Variants in CCDC158 observed in about 807,000 individuals in gnomAD.
CCDC158 encodes coiled-coil domain containing 158.
CCDC158 carries 116 observed loss-of-function variants against 138.6 expected under a neutral mutation model. That is an observed-to-expected ratio of 0.84 (90% CI 0.72 to 0.98). CCDC158 has a LOEUF of 0.98. CCDC158 is among the 50% of genes least tolerant of loss of function. The pLI, the probability that CCDC158 is intolerant of heterozygous loss-of-function variation, is 0.00. For missense variants in CCDC158, 1,265 were observed against 1,306.1 expected, an observed-to-expected ratio of 0.97 and a Z score of 0.48; for synonymous variants, 436 against 442.4, an observed-to-expected ratio of 0.99 and a Z score of 0.18.
chr4:76,322,826 A>G (rs1720154940), intron 24 of CCDC158, among the ~76,000 whole-genome samples: 1 of 152,132 alleles, frequency 6.6e-6, no homozygotes, highest in Non-Finnish European at 1.5e-5. Context: ...TTAGAAGTGG[A>G]TTCTTTTTAT....
intron 4 of CCDC158, among the ~76,000 whole-genome samples, chr4:76,393,068 T>C (rs1005626140): frequency 2.6e-5 from 4 of 152,116 alleles, no homozygotes; most frequent in Non-Finnish European, 4.4e-5. Context: ...CAAAGCAATC[T>C]ACAGATTCAA....
At position 76,381,927 on chromosome 4, in the gene CCDC158, C is replaced by T. The variant is rs551967303; in HGVS notation, c.914+683G>A. ...CGATCTCCTGACCTCGTGATCTGCC[C>T]GCCTCAGCCTCCCAAAGTGCTGGGA... On this transcript the variant is annotated intron_variant, in intron 8 of 24. Transcript: ENST00000682701. Among the ~76,000 whole-genome samples, 951 of 143,586 alleles carry T rather than the reference C, an allele frequency of 6.6e-3. 3 individuals are homozygous for T. Among genetic ancestry groups the T allele is most frequent in the Non-Finnish European group, 0.012 (744 of 63,704 alleles). The allele number at this position is 143,586 out of a possible 152,430, so 94.2% of individuals were successfully genotyped here. A position where few individuals can be genotyped will look rare whatever the true frequency, so the allele number is the denominator to read the frequency against.
At chr4:76,335,851 G>T (rs1721434195) in intron 18 of CCDC158, among the ~76,000 whole-genome samples, 1 of 151,994 alleles carries the variant, frequency 6.6e-6, no homozygotes, top group Non-Finnish European at 1.5e-5. Context: ...GGGATTACAG[G>T]TGTGAGCCAC....
In CCDC158 at chr4:76,370,754, A is replaced by G. The variant is rs143012613; in HGVS notation, c.1149+663T>C. ...TGAAAAACATGCAAATGTTAGGTAA[A>G]GAACTGAAGAATTATGCCAAGATTA... On this transcript the variant is annotated intron_variant, in intron 10 of 24. Transcript: ENST00000682701. Among the ~76,000 whole-genome samples the G allele has an allele frequency of 2.0e-3, 305 of 152,314 alleles. 3 individuals are homozygous for G. The highest frequency in any genetic ancestry group is 6.6e-3 in the South Asian group (32 of 4,822).
chr4:76,416,303 G>A (rs569220573), intron 1 of CCDC158, among the ~76,000 whole-genome samples: 3 of 152,192 alleles, frequency 2.0e-5, no homozygotes, highest in Non-Finnish European at 2.9e-5. Flanking sequence ...TGGCATTTGG[G>A]GCCACTACCG....
At chr4:76,379,673 T>C (rs1726043917) in intron 8 of CCDC158, among the ~76,000 whole-genome samples, 1 of 152,044 alleles carries the variant, frequency 6.6e-6, no homozygotes, top group Non-Finnish European at 1.5e-5. Context: ...TAAAAAGTTT[T>C]AACATACAAC....
At chr4:76,324,252 A>C (rs1720317447) in intron 23 of CCDC158, among the ~76,000 whole-genome samples, 1 of 146,562 alleles carries the variant, frequency 6.8e-6, no homozygotes, top group East Asian at 2.0e-4. Flanking sequence ...CAATCATGGG[A>C]TCTCAGCTCA....
chr4:76,323,402 CTG>C lies in CCDC158; in HGVS notation c.3175_3176del (p.Gln1059ValfsTer74). 1 of 1,608,172 alleles carries C rather than the reference CTG, an allele frequency of 6.2e-7. No homozygotes were observed. The highest frequency in any genetic ancestry group is 1.1e-5 in the South Asian group (1 of 89,512). Reference sequence around the variant, plus strand: ...TTCCTGTTGTTTCTATTGGCGGAGACTGTGAATCTATTAGAAAATTGCTTAGA... The same window carrying C: ...TTCCTGTTGTTTCTATTGGCGGAGACTGAATCTATTAGAAAATTGCTTAGA... ...IHSSDSVKDS[Q>X]SPPIETTGKT... On this transcript the variant is annotated frameshift_variant, in exon 24 of 25. Coordinates refer to ENST00000682701, the MANE Select transcript of CCDC158 (RefSeq NM_001394954.1). LOFTEE classifies it high-confidence loss of function.
In CCDC158 at chr4:76,412,241, T is replaced by C. The variant is rs1729349255; in HGVS notation, c.-116-109A>G. ...AATTCATGTTCATCACTTAAGACCT[T>C]GACAATATGTAAAACACACATATAA... On this transcript the variant is annotated intron_variant, in intron 1 of 24. Coordinates refer to ENST00000682701, the MANE Select transcript of CCDC158 (RefSeq NM_001394954.1). 3.3e-5 allele frequency: 5 copies of C among 152,216 alleles called. No individual in the cohort carries two copies. In the South Asian group the frequency reaches 1.0e-3, roughly 32 times the overall value. 9.4% of individuals were successfully genotyped at this position (152,216 alleles called of 1,614,324 possible). A position where few individuals can be genotyped will look rare whatever the true frequency, so the allele number is the denominator to read the frequency against.
intron 4 of CCDC158, among the ~76,000 whole-genome samples, chr4:76,392,193 C>T (rs1197007164): frequency 3.3e-5 from 5 of 151,946 alleles, no homozygotes; most frequent in Non-Finnish European, 7.4e-5. Context: ...AGGTCAGTAT[C>T]TCTGATGAAT....
rs1258007223 is a variant in CCDC158 at position 76,384,351 on chromosome 4, C to T, written c.463G>A (p.Glu155Lys). ...NQLQNTVHEL[E>K]AAKCLKEDML... is the part of the protein sequence containing the mutation. The stretch of plus-strand genomic sequence containing the variant: ...TCCTCTTTAAGGCATTTGGCAGCTT[C>T]AAGTTCATGAACTGTATTTTGAAGC... Residue 155 changes from glutamate to lysine, a missense_variant, in exon 6 of 25, where the codon GAA (glutamate) becomes AAA (lysine). Physicochemically the swap from Glu to Lys is moderately conservative, Grantham distance 56 (BLOSUM62 1). Coordinates refer to ENST00000682701, the MANE Select transcript of CCDC158 (RefSeq NM_001394954.1). 1 of 1,614,148 alleles carries T rather than the reference C, an allele frequency of 6.2e-7. No individual in the cohort carries two copies. Among genetic ancestry groups the T allele is most frequent in the South Asian group, 1.1e-5 (1 of 91,080 alleles).
At chr4:76,320,595 C>T (rs1719904930) in intron 24 of CCDC158, among the ~76,000 whole-genome samples, 2 of 152,092 alleles carry the variant, frequency 1.3e-5, no homozygotes, top group Non-Finnish European at 2.9e-5. Flanking sequence ...AAAATAGGCA[C>T]ATAGACCAAT....
Position 76,367,739 on chromosome 4 carries a change from T to G in CCDC158, c.1385A>C (p.Lys462Thr), listed in dbSNP as rs917194035. The G allele has an allele frequency of 6.2e-7, 1 of 1,606,066 alleles. No individual in the cohort carries two copies. The highest frequency in any genetic ancestry group is 1.7e-5 in the Admixed American group (1 of 59,368). ...AIQGKNESLEKVSSLTAQLES... is the reference protein window; with the variant it reads ...AIQGKNESLETVSSLTAQLES... The stretch of plus-strand genomic sequence containing the variant: ...AAGCTGAGCAGTCAAGGAGGATACT[T>G]TTTCTAGACTTTCATTCTTTCCTTG... The change falls in exon 12 of 25, where the codon AAA (lysine) becomes ACA (threonine). Residue 462 changes from lysine (K) to threonine (T), a missense_variant. Lys to Thr is a moderately conservative substitution (Grantham distance 78). Coordinates refer to ENST00000682701, the MANE Select transcript of CCDC158 (RefSeq NM_001394954.1).
At chr4:76,318,437 T>C (rs984018991) in intron 24 of CCDC158, among the ~76,000 whole-genome samples, 10 of 152,106 alleles carry the variant, frequency 6.6e-5, no homozygotes, top group African/African-American at 2.2e-4. Context: ...CCTGGAGATA[T>C]ACAACCCTCC....
intron 9 of CCDC158, among the ~76,000 whole-genome samples, chr4:76,374,866 TA>T (rs1481133198): frequency 6.6e-6 from 1 of 151,778 alleles, no homozygotes; most frequent in African/African-American, 2.4e-5. Context: ...GAGACCAAAT[TA>T]AAAAAAGAAA....
intron 4 of CCDC158, among the ~76,000 whole-genome samples, chr4:76,393,219 C>G (rs1027650477): frequency 2.6e-5 from 4 of 152,020 alleles, no homozygotes; most frequent in Admixed American, 2.0e-4. Flanking sequence ...ATCACATTAC[C>G]TGACTTCAAA....
chr4:76,364,986 C>A (rs762422851), intron 12 of CCDC158, among the ~76,000 whole-genome samples: 2 of 152,206 alleles, frequency 1.3e-5, no homozygotes. Context: ...CACACTAAAT[C>A]CAGCTGACCT....
chr4:76,390,245 T>C (rs540126712), intron 4 of CCDC158, among the ~76,000 whole-genome samples: 12 of 152,238 alleles, frequency 7.9e-5, no homozygotes, highest in African/African-American at 2.9e-4. Flanking sequence ...AGTTTGGTTT[T>C]CGTACATTTG....
chr4:76,420,055 T>C (rs1168767172), intron 1 of CCDC158, among the ~76,000 whole-genome samples: 1 of 151,560 alleles, frequency 6.6e-6, no homozygotes, highest in Non-Finnish European at 1.5e-5. Context: ...ATATTAACTC[T>C]ATGGCATGGA....
Sources: allele counts gnomAD v4.1 joint callset (sites outside exome capture counted in the v4.1 genomes callset), GRCh38; gene constraint gnomAD v4.1.1; transcripts MANE v1.5; gene names NCBI Gene and HGNC (gene_info 2026-07-23, HGNC 2026-07-21).